Variants in CPSF1 observed in about 807,000 individuals in gnomAD.
The protein encoded by CPSF1 is cleavage and polyadenylation specific factor 1.
Under a neutral mutation model 175.8 loss-of-function variants are expected in CPSF1, and 106 were observed. The ratio of observed to expected loss-of-function variants is 0.60; its 90% CI spans 0.52 to 0.71. The LOEUF (loss-of-function observed/expected upper bound fraction) is 0.71. Among genes scored for constraint, CPSF1 ranks in the 30% least tolerant of loss-of-function variants. The pLI is 0.00. For missense variants in CPSF1, 1,734 were observed against 2,022.9 expected, an observed-to-expected ratio of 0.86 and a Z score of 2.74; for synonymous variants, 1,024 against 858.3, an observed-to-expected ratio of 1.19 and a Z score of -3.37.
Position 144,409,278 on chromosome 8 carries a change from C to G in CPSF1, c.-15+11G>C, listed in dbSNP as rs1258481852. 1.0e-6 allele frequency: 1 copy of G among 963,532 alleles called. No homozygotes were observed. The highest frequency in any genetic ancestry group is 5.0e-5 in the South Asian group (1 of 19,822). The allele number at this position is 963,532 out of a possible 1,614,324, so 59.7% of individuals were successfully genotyped here. A position where few individuals can be genotyped will look rare whatever the true frequency, so the allele number is the denominator to read the frequency against. Reference sequence around the variant, plus strand: ...CGCGCTGCCGCCTCGGCCGCCCGCCCGGCCGCCCACCTGGCAGTTGGAGCC... The same window carrying G: ...CGCGCTGCCGCCTCGGCCGCCCGCCGGGCCGCCCACCTGGCAGTTGGAGCC... On this transcript the variant is annotated intron_variant, in intron 1 of 37. Coordinates refer to ENST00000616140, the MANE Select transcript of CPSF1 (RefSeq NM_013291.3).
In CPSF1 at chr8:144,398,819, T is replaced by C. The variant is rs2116855356; in HGVS notation, c.1598A>G (p.Tyr533Cys). 3.4e-5 allele frequency: 55 copies of C among 1,608,670 alleles called. No homozygotes were observed. The highest frequency in any genetic ancestry group is 4.1e-5 in the Non-Finnish European group (48 of 1,176,446). The stretch of plus-strand genomic sequence containing the variant: ...CGGGGCGATGACTGTCCACATGTCA[T>C]AGCAGCCGGGAAGCTCAAAGGTTGT... Reference protein sequence around the residue: ...VVTTFELPGCYDMWTVIAPVR... With the variant: ...VVTTFELPGCCDMWTVIAPVR... The change falls in exon 17 of 38, where the codon TAT (tyrosine) becomes TGT (cysteine). Residue 533 changes from tyrosine (Y) to cysteine (C), a missense_variant. This residue lies in a region of CPSF1 where 280 missense variants were observed against 349.2 expected (regional missense o/e 0.80). Coordinates refer to ENST00000616140, the MANE Select transcript of CPSF1 (RefSeq NM_013291.3).
rs2116877691 is a variant in CPSF1, at chr8:144,400,730, C to A, written c.627G>T (p.Leu209=). ...KLLNIIDLQF[L]HGYYEPTLLI... ...GGAGGGTAGGCTCGTAGTAGCCATG[C>A]AGGAACTGCAGGTCGATGATGTTGA... The change falls in exon 7 of 38, where the codon CTG becomes CTT. Residue 209 remains leucine (L), a synonymous_variant. Transcript: ENST00000616140. 2 of 1,613,430 alleles carry A rather than the reference C, an allele frequency of 1.2e-6. No individual in the cohort carries two copies. The highest frequency in any genetic ancestry group is 1.7e-6 in the Non-Finnish European group (2 of 1,179,762).
chr8:144,400,135 G>GGGGCCCCCCCCCCCCCCCCC, intron 9 of CPSF1, 31 bp downstream of exon 9: 71 of 895,872 alleles, frequency 7.9e-5, no homozygotes, highest in Non-Finnish European at 1.0e-4. Flanking sequence ...CCGTCCCCGG[G>GGGGCCCCCCCCCCCCCCCCC]CCCCCCCCGC....
intron 2 of CPSF1, among the ~76,000 whole-genome samples, chr8:144,408,396 C>T (rs1821614066): frequency 1.3e-5 from 2 of 152,190 alleles, no homozygotes; most frequent in Non-Finnish European, 2.9e-5. Flanking sequence ...CCTGGACCAG[C>T]TTTCAACCCT....
At chr8:144,395,974 T>C in intron 26 of CPSF1, 1 of 389,636 alleles carries the variant, frequency 2.6e-6, no homozygotes, top group South Asian at 3.3e-5. Flanking sequence ...GTGTGGTGGC[T>C]TAAATAGGGA....
Position 144,397,537 on chromosome 8 carries a change from C to T in CPSF1, c.2335G>A (p.Ala779Thr), listed in dbSNP as rs201594794. The T allele has an allele frequency of 4.5e-6, 7 of 1,572,056 alleles. No individual in the cohort carries two copies. In the South Asian group the frequency reaches 7.1e-5, roughly 16 times the overall value. ...AGCAGGCACCAGTGGGTAGGCTCTG[C>T]CCGGAAGGGTGCAGGGTCCCGGTCA... is the stretch of plus-strand genomic sequence containing the variant. The part of the protein sequence containing the change: ...PADRDPAPFR[A>T]EPTHWCLLVR... Residue 779 changes from alanine to threonine, a missense_variant, in exon 22 of 38, where the codon GCA becomes ACA. Ala to Thr is a moderately conservative substitution (Grantham distance 58, BLOSUM62 0). Transcript: ENST00000616140.
rs1820631418 is a variant in CPSF1, at chr8:144,395,123, T to TGACCGGGGAGATGAGCTGG, written c.3228_3246dup (p.Ser1083ProfsTer35). The stretch of plus-strand genomic sequence containing the variant: ...CTGGCATTGGGAATAGCCTCCCAGC[T>TGACCGGGGAGATGAGCTGG]GACCGGGGAGATGAGCTGGATGGAG... On this transcript the variant is annotated frameshift_variant, in exon 29 of 38. Coordinates refer to ENST00000616140, the MANE Select transcript of CPSF1 (RefSeq NM_013291.3). LOFTEE classifies it high-confidence loss of function. 1 of 1,611,874 alleles carries TGACCGGGGAGATGAGCTGG rather than the reference T, an allele frequency of 6.2e-7. No individual in the cohort carries two copies. Among genetic ancestry groups the TGACCGGGGAGATGAGCTGG allele is most frequent in the Non-Finnish European group, 8.5e-7 (1 of 1,179,276 alleles).
chr8:144,398,035 G>A lies in CPSF1; in HGVS notation c.1992C>T (p.His664=), dbSNP rs372432847. ...PYVVIMSAEG[H]VTMFLLKSDS... ...CACTCTTCAGCAGGAACATGGTGAC[G>A]TGGCCCTCGGCACTCATGATGACCA... Residue 664 remains histidine, a synonymous_variant, in exon 20 of 38, where the codon CAC becomes CAT. Transcript: ENST00000616140. 3.3e-5 allele frequency: 53 copies of A among 1,612,220 alleles called. No homozygotes were observed. The highest frequency in any genetic ancestry group is 1.6e-4 in the Middle Eastern group (1 of 6,076).
At position 144,394,227 on chromosome 8, in the gene CPSF1, C is replaced by T. The variant is rs532776402; in HGVS notation, c.3811+7G>A. The T allele has an allele frequency of 1.2e-5, 19 of 1,607,098 alleles. No individual in the cohort carries two copies. Among genetic ancestry groups the T allele is most frequent in the South Asian group, 1.1e-4 (10 of 90,512 alleles). On this transcript the variant is annotated splice_region_variant and intron_variant, in intron 33 of 37. Transcript: ENST00000616140. ...AGCCTCAGCTCCCCAGGGCCCTGCC[C>T]ACATACCCAGAAAACCCAGCTGGGC... is the stretch of plus-strand genomic sequence containing the variant.
chr8:144,400,135 G>GGGGGGGC, intron 9 of CPSF1, 31 bp downstream of exon 9: 1 of 895,996 alleles, frequency 1.1e-6, no homozygotes, highest in Non-Finnish European at 1.6e-6. Flanking sequence ...CCGTCCCCGG[G>GGGGGGGC]CCCCCCCCGC....
At chr8:144,400,135 G>GGCGCCCCCCCCCCCCCCCCCCCCCCC in intron 9 of CPSF1, 31 bp downstream of exon 9, 1 of 896,010 alleles carries the variant, frequency 1.1e-6, no homozygotes, top group Non-Finnish European at 1.6e-6. Flanking sequence ...CCGTCCCCGG[G>GGCGCCCCCCCCCCCCCCCCCCCCCCC]CCCCCCCCGC....
chr8:144,393,595 G>T lies in CPSF1; in HGVS notation c.4146-5C>A. Reference sequence around the variant, plus strand: ...CGGCGGTCCACGTGCAGCATCCTGGGGCGTACAGGCACAGGTGTCAGGGCA... The same window carrying T: ...CGGCGGTCCACGTGCAGCATCCTGGTGCGTACAGGCACAGGTGTCAGGGCA... On this transcript the variant is annotated splice_region_variant and splice_polypyrimidine_tract_variant and intron_variant, in intron 36 of 37. Transcript: ENST00000616140. The T allele has an allele frequency of 6.2e-7, 1 of 1,602,326 alleles. No individual in the cohort carries two copies. Among genetic ancestry groups the T allele is most frequent in the Non-Finnish European group, 8.5e-7 (1 of 1,177,438 alleles).
chr8:144,406,950 GCT>G (rs1554869257), intron 2 of CPSF1, among the ~76,000 whole-genome samples: 1 of 151,780 alleles, frequency 6.6e-6, no homozygotes, highest in Non-Finnish European at 1.5e-5. Flanking sequence ...ATGGAGTTTT[GCT>G]CTGTCACCCA....
At chr8:144,407,850 A>G (rs1821576951) in intron 2 of CPSF1, among the ~76,000 whole-genome samples, 1 of 151,956 alleles carries the variant, frequency 6.6e-6, no homozygotes, top group Non-Finnish European at 1.5e-5. Context: ...CCAGCCTGAG[A>G]TTCGGTTACA....
In CPSF1 at chr8:144,394,054, C is replaced by G; in HGVS notation, c.3860-16G>C. ...CTCTCCTTGGCTAGACCAGAAAGGC[C>G]TAGGGGTCACTGCTAGCCCAGCCCC... is the stretch of plus-strand genomic sequence containing the variant. On this transcript the variant is annotated splice_polypyrimidine_tract_variant and intron_variant, in intron 34 of 37. Coordinates refer to ENST00000616140, the MANE Select transcript of CPSF1 (RefSeq NM_013291.3). The G allele has an allele frequency of 1.2e-5, 20 of 1,610,782 alleles. No homozygotes were observed. The highest frequency in any genetic ancestry group is 1.6e-5 in the Non-Finnish European group (19 of 1,178,156).
chr8:144,400,135 G>GGCGCCCCCCCCCCCCC, intron 9 of CPSF1, 31 bp downstream of exon 9: 1 of 896,010 alleles, frequency 1.1e-6, no homozygotes, highest in South Asian at 1.6e-5. Context: ...CCGTCCCCGG[G>GGCGCCCCCCCCCCCCC]CCCCCCCCGC....
chr8:144,393,424 G>A, intron 37 of CPSF1, 28 bp downstream of exon 37: 3 of 1,518,650 alleles, frequency 2.0e-6, no homozygotes, highest in Non-Finnish European at 2.7e-6. Flanking sequence ...GAGGGGCGGG[G>A]CGCGCGGGGG....
At position 144,399,088 on chromosome 8, in the gene CPSF1, TCCAGCCCCTGCCC is replaced by T; in HGVS notation, c.1467+27_1467+39del. On this transcript the variant is annotated intron_variant, in intron 15 of 37. Transcript: ENST00000616140. The surrounding 1 kb of genome is among the most constrained non-coding windows in gnomAD (Gnocchi z 6.4). ...CTATGCCCCCCACCCCCCCTCACAC[TCCAGCCCCTGCCC>T]CCAGCCCCGACCCCAACCCTGGGCA... 1 of 1,200,376 alleles carries T rather than the reference TCCAGCCCCTGCCC, an allele frequency of 8.3e-7. No individual in the cohort carries two copies. The highest frequency in any genetic ancestry group is 1.2e-6 in the Non-Finnish European group (1 of 838,750). 74.4% of individuals were successfully genotyped at this position (1,200,376 alleles called of 1,614,324 possible). A position where few individuals can be genotyped will look rare whatever the true frequency, so the allele number is the denominator to read the frequency against.
rs201888661 is a variant in CPSF1 at position 144,398,994 on chromosome 8, G to A, written c.1512C>T (p.Ser504=). The change falls in exon 16 of 38, where the codon TCC becomes TCT. Residue 504 remains serine, a synonymous_variant. Coordinates refer to ENST00000616140, the MANE Select transcript of CPSF1 (RefSeq NM_013291.3). ...PEPDLEIVVC[S]GHGKNGALSV... ...ACAAAGCCCCGTTCTTCCCGTGGCC[G>A]GAGCAAACCACAATCTCCAGGTCCG... 8.7e-6 allele frequency: 14 copies of A among 1,612,014 alleles called. No homozygotes were observed. Among genetic ancestry groups the A allele is most frequent in the African/African-American group, 8.0e-5 (6 of 74,972 alleles).
Sources: allele counts gnomAD v4.1 joint callset (sites outside exome capture counted in the v4.1 genomes callset), GRCh38; gene constraint gnomAD v4.1.1; regional missense constraint gnomAD v4.1.1; non-coding constraint Gnocchi (gnomAD v3.1); transcripts MANE v1.5; gene names NCBI Gene and HGNC (gene_info 2026-07-23, HGNC 2026-07-21).